Variants in SLC26A9 observed in about 807,000 individuals in gnomAD.
SLC26A9 encodes the protein solute carrier family 26 member 9.
A neutral mutation model predicts 87.1 loss-of-function variants in SLC26A9; 46 were observed. The ratio of observed to expected loss-of-function variants is 0.53; its 90% confidence interval spans 0.42 to 0.67. The LOEUF (loss-of-function observed/expected upper bound fraction) is 0.67. Among genes scored for constraint, SLC26A9 ranks in the 30% least tolerant of loss-of-function variants. The pLI, the probability that SLC26A9 is intolerant of heterozygous loss-of-function variation, is 0.00. For missense variants in SLC26A9, 927 were observed against 1,018.3 expected (o/e 0.91, Z 1.22); for synonymous variants, 437 against 409.1 (o/e 1.07, Z -0.82).
At chr1:205,928,207 AG>A in intron 8 of SLC26A9, 158 bp from the exon 9 acceptor site, 3 of 834,044 alleles carry the variant, frequency 3.6e-6, no homozygotes, top group Admixed American at 2.8e-5. Context: ...ACCACCCCAT[AG>A]GGTAGGGACC....
intron 20 of SLC26A9, among the ~76,000 whole-genome samples, chr1:205,916,867 G>A (rs1394894979): frequency 1.3e-5 from 2 of 152,138 alleles, no homozygotes; most frequent in Admixed American, 6.5e-5. Flanking sequence ...TTAGGAGACC[G>A]AGGCAGGCAG....
intron 5 of SLC26A9, among the ~76,000 whole-genome samples, 174 bp downstream of exon 5, chr1:205,931,686 C>T (rs905942331): frequency 1.3e-5 from 2 of 152,108 alleles, no homozygotes; most frequent in African/African-American, 4.8e-5. Context: ...AAGGTGGTCT[C>T]AAACTCCTGA....
intron 5 of SLC26A9, 49 bp downstream of exon 5, chr1:205,931,811 G>A (rs769722940): frequency 1.9e-6 from 3 of 1,578,682 alleles, no homozygotes; most frequent in Non-Finnish European, 8.6e-7. Flanking sequence ...TGAGGGAGGG[G>A]CAGGGTGGTC....
chr1:205,920,690 G>A (rs1658791246), intron 17 of SLC26A9, among the ~76,000 whole-genome samples: 1 of 152,148 alleles, frequency 6.6e-6, no homozygotes, highest in Admixed American at 6.5e-5. Flanking sequence ...AGTAGAGGCG[G>A]GGTTTCACCA....
intron 12 of SLC26A9, among the ~76,000 whole-genome samples, chr1:205,926,056 CAGGGAAGTCT>C (rs1558123347): frequency 6.6e-6 from 1 of 152,190 alleles, no homozygotes; most frequent in African/African-American, 2.4e-5. Flanking sequence ...AATAGAACCC[CAGGGAAGTCT>C]AGTAACTTGC....
At chr1:205,928,938 T>C in intron 7 of SLC26A9, 29 bp from the exon 8 acceptor site, 3 of 1,613,532 alleles carry the variant, frequency 1.9e-6, no homozygotes, top group East Asian at 2.2e-5. Context: ...AGAATGGGGA[T>C]TGGCCCTAAG....
chr1:205,935,780 G>T lies in SLC26A9; in HGVS notation c.41C>A (p.Ala14Glu). 6.2e-7 allele frequency: 1 copy of T among 1,614,000 alleles called. No homozygotes were observed. The highest frequency in any genetic ancestry group is 8.5e-7 in the Non-Finnish European group (1 of 1,179,918). The change falls in exon 2 of 21, where the codon GCA (alanine) becomes GAA (glutamate). Residue 14 changes from alanine to glutamate, a missense_variant. Coordinates refer to ENST00000367135, the MANE Select transcript of SLC26A9 (RefSeq NM_052934.4). ...ATCGTCGAAGAGGGTAAGGGAGTAT[G>T]CGGCTCTGTCTACCACGTAGCGGGG... Reference protein sequence around the residue: ...PRPRYVVDRAAYSLTLFDDEF... With the variant: ...PRPRYVVDRAEYSLTLFDDEF...
intron 5 of SLC26A9, among the ~76,000 whole-genome samples, chr1:205,931,168 A>G (rs1659287646): frequency 6.6e-6 from 1 of 152,006 alleles, no homozygotes; most frequent in Non-Finnish European, 1.5e-5. Flanking sequence ...CAGAAGCTCA[A>G]TTTATGTTGT....
chr1:205,937,705 C>T (rs1659574589), intron 1 of SLC26A9, among the ~76,000 whole-genome samples: 1 of 152,108 alleles, frequency 6.6e-6, no homozygotes. Context: ...GCGGGGTGGT[C>T]TCACTCTTCC....
rs745908845 is a variant in SLC26A9, at chr1:205,915,353, G to A, written c.*4C>T. The A allele has an allele frequency of 1.2e-6, 2 of 1,614,148 alleles. No homozygotes were observed. Among genetic ancestry groups the A allele is most frequent in the Non-Finnish European group, 1.7e-6 (2 of 1,180,016 alleles). ...TGTAGGCAGCATGAGGACTGGCTGA[G>A]CCCTCACAGGGCGGTCAGGGTCTCT... On this transcript the variant is annotated 3_prime_UTR_variant, in exon 21 of 21. Coordinates refer to ENST00000367135, the MANE Select transcript of SLC26A9 (RefSeq NM_052934.4).
At chr1:205,918,443 C>T (rs1363847549) in intron 19 of SLC26A9, among the ~76,000 whole-genome samples, 1 of 152,170 alleles carries the variant, frequency 6.6e-6, no homozygotes, top group Non-Finnish European at 1.5e-5. Flanking sequence ...GCTTACTCCC[C>T]TCCCCTCCCT....
chr1:205,929,844 G>A (rs372774757), intron 6 of SLC26A9, 48 bp downstream of exon 6: 3 of 1,541,782 alleles, frequency 1.9e-6, no homozygotes, highest in African/African-American at 2.7e-5. Flanking sequence ...CTCCTCATGT[G>A]TCTGCTGGAG....
Position 205,917,327 on chromosome 1 carries a change from A to G in SLC26A9, c.2284T>C (p.Tyr762His). 6.2e-7 allele frequency: 1 copy of G among 1,613,980 alleles called. No homozygotes were observed. The highest frequency in any genetic ancestry group is 8.5e-7 in the Non-Finnish European group (1 of 1,179,976). ...GAPGDAELSL[Y>H]DSEEDIRSYW... ...CTGCGAATGTCCTCCTCTGAGTCGT[A>G]CAAGGAGAGCTCAGCATCCCCTGGA... Residue 762 changes from tyrosine to histidine, a missense_variant, in exon 20 of 21, where the codon TAC (tyrosine) becomes CAC (histidine). By Grantham distance (83) the Tyr-to-His change is moderately conservative. Coordinates refer to ENST00000367135, the MANE Select transcript of SLC26A9 (RefSeq NM_052934.4).
intron 12 of SLC26A9, 41 bp downstream of exon 12, chr1:205,926,494 G>A (rs1193189054): frequency 6.5e-7 from 1 of 1,527,766 alleles, no homozygotes. Flanking sequence ...GGAGGAGAGG[G>A]CAGGGGCATG....
chr1:205,922,656 A>G (rs1658890948), intron 16 of SLC26A9, among the ~76,000 whole-genome samples: 1 of 152,220 alleles, frequency 6.6e-6, no homozygotes, highest in Admixed American at 6.5e-5. Context: ...TAATCCCAGC[A>G]CTTTGGAAGG....
chr1:205,915,899 C>T (rs770028890), intron 20 of SLC26A9, among the ~76,000 whole-genome samples: 2 of 152,146 alleles, frequency 1.3e-5, no homozygotes, highest in African/African-American at 2.4e-5. Context: ...CTGTGAGAGA[C>T]GGATTCAGAG....
At chr1:205,925,153 G>A (rs928731864) in intron 12 of SLC26A9, among the ~76,000 whole-genome samples, 6 of 152,178 alleles carry the variant, frequency 3.9e-5, no homozygotes, top group Non-Finnish European at 8.8e-5. Flanking sequence ...CCTACTTCAT[G>A]AAAGGATTCA....
chr1:205,924,147 C>T (rs1003850463), intron 13 of SLC26A9, among the ~76,000 whole-genome samples: 2 of 152,136 alleles, frequency 1.3e-5, no homozygotes, highest in South Asian at 4.1e-4. Flanking sequence ...CCCAGCCATC[C>T]CCAGCAAGAG....
At chr1:205,926,762 A>C in intron 11 of SLC26A9, 132 bp from the exon 12 acceptor site, 1 of 733,326 alleles carries the variant, frequency 1.4e-6, no homozygotes, top group Non-Finnish European at 2.4e-6. Context: ...GATCCCCCAA[A>C]TCTCTGCATT....
Sources: gnomAD v4.1 joint callset for allele counts (sites outside exome capture counted in the v4.1 genomes callset) on GRCh38, gnomAD v4.1.1 for gene constraint, MANE v1.5 for transcripts, NCBI Gene and HGNC (gene_info 2026-07-23, HGNC 2026-07-21) for gene names.